The following BCKDHB variants were observed in gnomAD, a reference collection of about 807,000 sequenced individuals.
The protein encoded by BCKDHB is branched chain keto acid dehydrogenase E1 subunit beta.
A neutral mutation model predicts 48.5 loss-of-function variants in BCKDHB; 41 were observed. The observed-to-expected ratio is 0.85, with a 90% CI of 0.66 to 1.10. The LOEUF (loss-of-function observed/expected upper bound fraction) is 1.10. BCKDHB is among the 50% of genes least tolerant of loss of function. The pLI, the probability that BCKDHB is intolerant of heterozygous loss-of-function variation, is 0.00. For synonymous variants in BCKDHB, 201 were observed against 174.8 expected, an observed-to-expected ratio of 1.15 and a Z score of -1.18; for missense variants, 496 against 494.2, an observed-to-expected ratio of 1.00 and a Z score of -0.03.
chr6:80,419,405 C>A, the BCKDHB span, among the ~76,000 whole-genome samples: 1 of 152,078 alleles, frequency 6.6e-6, no homozygotes, highest in African/African-American at 2.4e-5. Flanking sequence ...CCAGGAGAGA[C>A]CGGCAGACCA....
chr6:80,311,094 A>G (rs541530158), intron 9 of BCKDHB, among the ~76,000 whole-genome samples: 6 of 152,256 alleles, frequency 3.9e-5, no homozygotes, highest in African/African-American at 1.2e-4. Flanking sequence ...ATGGGGGCAG[A>G]TCTTTCCCGT....
chr6:80,400,263 G>T, the BCKDHB span, among the ~76,000 whole-genome samples: 1 of 151,676 alleles, frequency 6.6e-6, no homozygotes, highest in Non-Finnish European at 1.5e-5. Flanking sequence ...CTTCTACTCA[G>T]CAAAAGAAGC....
chr6:80,198,295 C>T (rs1774225696), intron 6 of BCKDHB, among the ~76,000 whole-genome samples: 1 of 152,122 alleles, frequency 6.6e-6, no homozygotes, highest in East Asian at 1.9e-4. Context: ...AAGTATCCGA[C>T]TCAACATAGT....
chr6:80,377,114 C>A, the BCKDHB span, among the ~76,000 whole-genome samples: 1 of 150,052 alleles, frequency 6.7e-6, no homozygotes, highest in African/African-American at 2.5e-5. Flanking sequence ...AATCTTGGCT[C>A]ACTGCAACCT....
At chr6:80,245,227 A>T (rs1776561721) in intron 8 of BCKDHB, among the ~76,000 whole-genome samples, 1 of 152,176 alleles carries the variant, frequency 6.6e-6, no homozygotes, top group South Asian at 2.1e-4. Context: ...GGAGAGACAG[A>T]TAAGAAACCC....
At chr6:80,194,752 C>A (rs1212510403) in intron 6 of BCKDHB, among the ~76,000 whole-genome samples, 1 of 152,136 alleles carries the variant, frequency 6.6e-6, no homozygotes, top group African/African-American at 2.4e-5. Flanking sequence ...AATATGTACC[C>A]CACTGCTAAG....
chr6:80,215,662 AT>A (rs1775136603), intron 8 of BCKDHB, among the ~76,000 whole-genome samples: 1 of 152,158 alleles, frequency 6.6e-6, no homozygotes, highest in African/African-American at 2.4e-5. Flanking sequence ...CATGGGGTCT[AT>A]TTTTATTATG....
intron 8 of BCKDHB, among the ~76,000 whole-genome samples, chr6:80,262,373 C>G (rs1040205814): frequency 1.3e-5 from 2 of 152,144 alleles, no homozygotes; most frequent in Admixed American, 6.6e-5. Flanking sequence ...CACAAACACA[C>G]ACGCACACAC....
chr6:80,247,084 C>G (rs1776649505), intron 8 of BCKDHB, among the ~76,000 whole-genome samples: 1 of 152,212 alleles, frequency 6.6e-6, no homozygotes, highest in South Asian at 2.1e-4. Flanking sequence ...TTCTACAGTT[C>G]TGCATGGTCC....
At chr6:80,364,769 C>T in the BCKDHB span, among the ~76,000 whole-genome samples, 1 of 152,220 alleles carries the variant, frequency 6.6e-6, no homozygotes, top group African/African-American at 2.4e-5. Flanking sequence ...TTTGCTCCTA[C>T]TTTGGCTTTC....
At chr6:80,254,485 C>G (rs1159240753) in intron 8 of BCKDHB, among the ~76,000 whole-genome samples, 1 of 151,976 alleles carries the variant, frequency 6.6e-6, no homozygotes, top group Non-Finnish European at 1.5e-5. Flanking sequence ...TGCTTGAGCC[C>G]TGGGGTTCAA....
At chr6:80,417,519 G>A in the BCKDHB span, among the ~76,000 whole-genome samples, 1 of 152,078 alleles carries the variant, frequency 6.6e-6, no homozygotes, top group Non-Finnish European at 1.5e-5. Flanking sequence ...AGGACTTCTT[G>A]TAAGGCAAGT....
At chr6:80,380,737 GA>G in the BCKDHB span, among the ~76,000 whole-genome samples, 2 of 149,340 alleles carry the variant, frequency 1.3e-5, no homozygotes, top group African/African-American at 4.9e-5. Context: ...AAGTAAACAA[GA>G]AAAAACAAAC....
the BCKDHB span, among the ~76,000 whole-genome samples, chr6:80,389,233 C>T: frequency 6.6e-6 from 1 of 150,600 alleles, no homozygotes; most frequent in African/African-American, 2.5e-5. Context: ...AATGGGCCCA[C>T]GAACAAAATG....
At chr6:80,139,051 C>T (rs189076967) in intron 3 of BCKDHB, among the ~76,000 whole-genome samples, 13 of 152,236 alleles carry the variant, frequency 8.5e-5, no homozygotes, top group East Asian at 7.7e-4. Flanking sequence ...CTCTGATGGC[C>T]GGTGATGGTG....
intron 8 of BCKDHB, among the ~76,000 whole-genome samples, chr6:80,207,305 C>T (rs1173171024): frequency 1.3e-5 from 2 of 151,744 alleles, no homozygotes; most frequent in East Asian, 3.9e-4. Flanking sequence ...TTCTGTTGTT[C>T]TAGGATTATT....
intron 8 of BCKDHB, among the ~76,000 whole-genome samples, chr6:80,210,999 A>G (rs1208427291): frequency 6.6e-6 from 1 of 152,206 alleles, no homozygotes; most frequent in Non-Finnish European, 1.5e-5. Flanking sequence ...TTTCTTAAAT[A>G]AGGAGAAATT....
intron 3 of BCKDHB, among the ~76,000 whole-genome samples, chr6:80,141,417 T>C (rs1380653183): frequency 6.6e-6 from 1 of 152,142 alleles, no homozygotes; most frequent in Non-Finnish European, 1.5e-5. Context: ...AACGAGATTT[T>C]CTGAGTGCAT....
the BCKDHB span, among the ~76,000 whole-genome samples, chr6:80,401,394 AT>A: frequency 6.6e-6 from 1 of 151,382 alleles, no homozygotes; most frequent in Non-Finnish European, 1.5e-5. Flanking sequence ...TTTTTAAATT[AT>A]TTTTTTCTTT....
Sources: gnomAD v4.1 joint callset for allele counts (sites outside exome capture counted in the v4.1 genomes callset) on GRCh38, gnomAD v4.1.1 for gene constraint, MANE v1.5 for transcripts, NCBI Gene and HGNC (gene_info 2026-07-23, HGNC 2026-07-21) for gene names.